The following CADPS2 variants were observed in gnomAD, a reference collection of about 807,000 sequenced individuals.
CADPS2 encodes the protein calcium-dependent secretion activator 2.
Under a neutral mutation model 172.5 loss-of-function variants are expected in CADPS2, and 93 were observed. The ratio of observed to expected loss-of-function variants is 0.54; its 90% CI spans 0.46 to 0.64. CADPS2 has a LOEUF of 0.64. Ranked by LOEUF, CADPS2 falls within the 30% of genes least tolerant of loss-of-function variation. The pLI is 0.00. For missense variants in CADPS2, 1,420 were observed against 1,565.9 expected (o/e 0.91, Z 1.57); for synonymous variants, 546 against 555.2 (o/e 0.98, Z 0.23).
chr7:122,372,902 G>A (rs549909433), intron 25 of CADPS2, among the ~76,000 whole-genome samples: 44 of 152,280 alleles, frequency 2.9e-4, no homozygotes, highest in Middle Eastern at 3.4e-3. Context: ...AATTAATTAG[G>A]TGTTTGATGC....
At chr7:122,446,717 C>T (rs998456457) in intron 15 of CADPS2, among the ~76,000 whole-genome samples, 4 of 152,156 alleles carry the variant, frequency 2.6e-5, no homozygotes, top group Admixed American at 1.3e-4. Context: ...TCCTTTAGAC[C>T]TCTGACCTGA....
intron 1 of CADPS2, among the ~76,000 whole-genome samples, chr7:122,875,788 T>A (rs185626054): frequency 6.6e-6 from 1 of 152,284 alleles, no homozygotes; most frequent in East Asian, 1.9e-4. Flanking sequence ...AAACTGCACT[T>A]AGAGATAAAT....
intron 1 of CADPS2, among the ~76,000 whole-genome samples, chr7:122,751,143 T>C (rs2092936911): frequency 1.3e-5 from 2 of 152,194 alleles, no homozygotes; most frequent in Non-Finnish European, 2.9e-5. Flanking sequence ...GGCATTTCTC[T>C]TTGTTACTGT....
chr7:122,681,846 A>T (rs2083085492), intron 2 of CADPS2, among the ~76,000 whole-genome samples: 1 of 152,078 alleles, frequency 6.6e-6, no homozygotes, highest in Non-Finnish European at 1.5e-5. Flanking sequence ...GCCTTCTTAC[A>T]TCCTGTTTTA....
chr7:122,602,080 T>G (rs1288533807), intron 6 of CADPS2, among the ~76,000 whole-genome samples: 2 of 151,928 alleles, frequency 1.3e-5, no homozygotes, highest in African/African-American at 4.8e-5. Context: ...AGGAAAAATA[T>G]TTTACTTAGG....
chr7:122,554,401 A>G lies in CADPS2; in HGVS notation c.1475+149T>C, dbSNP rs543812699. 21 of 731,152 alleles carry G rather than the reference A, an allele frequency of 2.9e-5. No homozygotes were observed. The African/African-American group carries it at 3.1e-4, about 11-fold the overall frequency. The allele number at this position is 731,152 out of a possible 1,614,324, so 45.3% of individuals were successfully genotyped here. Reference sequence around the variant, plus strand: ...TATAAAGCCGTCTATGGGTATAAAAACATTGAGTAAGATAACTTACGTATG... The same window carrying G: ...TATAAAGCCGTCTATGGGTATAAAAGCATTGAGTAAGATAACTTACGTATG... On this transcript the variant is annotated intron_variant, in intron 8 of 29. Transcript: ENST00000449022.
chr7:122,844,335 C>A (rs2140977463), intron 1 of CADPS2, among the ~76,000 whole-genome samples: 1 of 152,238 alleles, frequency 6.6e-6, no homozygotes, highest in East Asian at 1.9e-4. Context: ...AAAAAACATC[C>A]CGCTTGCCCT....
Position 122,355,480 on chromosome 7 carries a change from C to T in CADPS2, c.3504+5308G>A, listed in dbSNP as rs561647297. ...CCTGTTTTCCCGGCTACTTCGGAAGCTGAGGCACGAGAATCACTTGAACCC... is the reference window on the plus strand; with the variant it reads ...CCTGTTTTCCCGGCTACTTCGGAAGTTGAGGCACGAGAATCACTTGAACCC... On this transcript the variant is annotated intron_variant, in intron 27 of 29. Transcript: ENST00000449022. 2.1e-4 allele frequency among the ~76,000 whole-genome samples: 32 copies of T among 151,982 alleles called. No individual in the cohort carries two copies. In the East Asian group the frequency reaches 5.2e-3, roughly 25 times the overall value.
At chr7:122,423,480 G>T (rs2151829357) in intron 17 of CADPS2, among the ~76,000 whole-genome samples, 1 of 152,252 alleles carries the variant, frequency 6.6e-6, no homozygotes, top group African/African-American at 2.4e-5. Context: ...GTTCCCAAAA[G>T]CCAACTTACT....
At chr7:122,643,918 C>T (rs1323376928) in intron 3 of CADPS2, among the ~76,000 whole-genome samples, 3 of 151,992 alleles carry the variant, frequency 2.0e-5, no homozygotes, top group African/African-American at 4.8e-5. Context: ...TGGCAAAACC[C>T]CTCTCTACTA....
chr7:122,396,488 T>C (rs2045151317), intron 20 of CADPS2, among the ~76,000 whole-genome samples: 1 of 152,186 alleles, frequency 6.6e-6, no homozygotes, highest in Non-Finnish European at 1.5e-5. Context: ...ACTAAGAATG[T>C]CACTCCTAAA....
intron 24 of CADPS2, among the ~76,000 whole-genome samples, chr7:122,380,861 A>G (rs1218827379): frequency 1.3e-5 from 2 of 152,106 alleles, no homozygotes; most frequent in Non-Finnish European, 2.9e-5. Context: ...TGAAACATAG[A>G]GAGTGGATTT....
intron 2 of CADPS2, among the ~76,000 whole-genome samples, chr7:122,664,997 T>C (rs1544594): frequency 0.76 from 113,582 of 148,518 alleles, 43,586 homozygotes; most frequent in Non-Finnish European, 0.81. Context: ...TGGGGTCTCA[T>C]TTATATGACT....
intron 3 of CADPS2, among the ~76,000 whole-genome samples, chr7:122,639,895 A>G (rs2077430371): frequency 6.6e-6 from 1 of 152,200 alleles, no homozygotes; most frequent in African/African-American, 2.4e-5. Flanking sequence ...GATCATAAGC[A>G]GCATCTAGTC....
intron 20 of CADPS2, among the ~76,000 whole-genome samples, chr7:122,398,101 C>A (rs927870484): frequency 3.3e-5 from 5 of 151,974 alleles, no homozygotes; most frequent in Non-Finnish European, 7.4e-5. Context: ...GCAATATGCC[C>A]AATTATTTTG....
At chr7:122,688,334 T>C (rs2083892720) in intron 2 of CADPS2, among the ~76,000 whole-genome samples, 1 of 152,244 alleles carries the variant, frequency 6.6e-6, no homozygotes, top group Non-Finnish European at 1.5e-5. Flanking sequence ...CCAATTCACT[T>C]GCCACTGCCT....
At chr7:122,878,055 A>G (rs1340911214) in intron 1 of CADPS2, among the ~76,000 whole-genome samples, 2 of 151,264 alleles carry the variant, frequency 1.3e-5, no homozygotes, top group South Asian at 4.2e-4. Flanking sequence ...CAAGAGATCA[A>G]GACCATCCAG....
chr7:122,549,812 A>G (rs957333779), intron 8 of CADPS2, among the ~76,000 whole-genome samples: 1 of 152,062 alleles, frequency 6.6e-6, no homozygotes, highest in Non-Finnish European at 1.5e-5. Flanking sequence ...ATTTTAGACA[A>G]GGACACAGGG....
intron 2 of CADPS2, among the ~76,000 whole-genome samples, chr7:122,723,880 G>T (rs2090777538): frequency 6.6e-6 from 1 of 152,066 alleles, no homozygotes; most frequent in Admixed American, 6.6e-5. Flanking sequence ...CCTTTGTAGG[G>T]ACATGGATGA....
Sources: allele counts gnomAD v4.1 joint callset (sites outside exome capture counted in the v4.1 genomes callset), GRCh38; gene constraint gnomAD v4.1.1; transcripts MANE v1.5; gene names NCBI Gene and HGNC (gene_info 2026-07-23, HGNC 2026-07-21).